CIT: variants seen among roughly 807,000 people sequenced by gnomAD.
The protein encoded by CIT is citron Rho-interacting kinase.
In CIT, 79 loss-of-function variants were observed where a neutral mutation model predicts 272.7. The ratio of observed to expected loss-of-function variants is 0.29; its 90% CI spans 0.24 to 0.35. CIT has a LOEUF of 0.35. Among genes scored for constraint, CIT ranks in the 10% least tolerant of loss-of-function variants. CIT has a pLI of 1.00. For missense variants in CIT, 1,909 were observed against 2,618.3 expected, an observed-to-expected ratio of 0.73 and a Z score of 5.91; for synonymous variants, 948 against 995.6, an observed-to-expected ratio of 0.95 and a Z score of 0.90.
At chr12:119,832,993 G>T (rs915358194) in intron 6 of CIT, 129 bp from the exon 7 acceptor site, 3 of 557,192 alleles carry the variant, frequency 5.4e-6, no homozygotes, top group Non-Finnish European at 9.6e-6. Flanking sequence ...TCTATTGGTG[G>T]ATATAAATTA....
At chr12:119,766,419 T>TTTAAAATAAACA (rs1962462009) in intron 19 of CIT, among the ~76,000 whole-genome samples, 1 of 152,036 alleles carries the variant, frequency 6.6e-6, no homozygotes, top group Non-Finnish European at 1.5e-5. Flanking sequence ...ATTTGTGGGA[T>TTTAAAATAAACA]CTAAAAATCA....
intron 22 of CIT, among the ~76,000 whole-genome samples, chr12:119,753,849 A>C (rs59566417): frequency 0.014 from 2,161 of 152,300 alleles, 41 homozygotes; most frequent in African/African-American, 0.049. Flanking sequence ...GTCTGAGGCA[A>C]AAGATAAGAA....
At chr12:119,719,078 A>G (rs933612328) in intron 30 of CIT, 3 of 516,538 alleles carry the variant, frequency 5.8e-6, no homozygotes, top group Non-Finnish European at 1.1e-5. Flanking sequence ...AGTTTTCACC[A>G]AGAGGATTAA....
At chr12:119,699,675 G>T in intron 44 of CIT, 1 of 395,878 alleles carries the variant, frequency 2.5e-6, no homozygotes. Context: ...AGCACTCATT[G>T]CGTGCCATGT....
intron 3 of CIT, among the ~76,000 whole-genome samples, chr12:119,858,981 T>C (rs1055720531): frequency 1.3e-5 from 2 of 152,198 alleles, no homozygotes; most frequent in African/African-American, 4.8e-5. Context: ...AAGTCTAATC[T>C]TTCAGTCAGA....
At chr12:119,788,349 TAG>T (rs1395073617) in intron 10 of CIT, among the ~76,000 whole-genome samples, 2 of 152,178 alleles carry the variant, frequency 1.3e-5, no homozygotes, top group African/African-American at 4.8e-5. Flanking sequence ...CTGGGTGGGC[TAG>T]AGAACAAGAC....
intron 32 of CIT, among the ~76,000 whole-genome samples, chr12:119,717,050 G>A (rs745752233): frequency 5.3e-5 from 8 of 152,060 alleles, no homozygotes; most frequent in African/African-American, 9.7e-5. Flanking sequence ...ATAAGCTTAC[G>A]TTTTCTTGTT....
chr12:119,863,750 T>C (rs1950434642), intron 3 of CIT, among the ~76,000 whole-genome samples: 1 of 151,474 alleles, frequency 6.6e-6, no homozygotes, highest in Admixed American at 6.6e-5. Flanking sequence ...CAGGATGGTC[T>C]CGATCTCTTG....
intron 23 of CIT, among the ~76,000 whole-genome samples, chr12:119,748,136 G>C (rs1173084583): frequency 2.6e-5 from 4 of 152,072 alleles, no homozygotes; most frequent in Non-Finnish European, 5.9e-5. Context: ...CTGCACTCCA[G>C]CCTGGGTGAC....
intron 3 of CIT, among the ~76,000 whole-genome samples, chr12:119,865,864 C>CAA (rs11366591): frequency 1.2e-3 from 110 of 91,390 alleles, no homozygotes; most frequent in African/African-American, 4.4e-3. Context: ...AGCAAGACTC[C>CAA]AAAAAAAAAA....
rs1957769817 is a variant in CIT at position 119,720,578 on chromosome 12, T to C, written c.3740A>G (p.Tyr1247Cys). The C allele has an allele frequency of 6.3e-7, 1 of 1,592,034 alleles. No homozygotes were observed. Among genetic ancestry groups the C allele is most frequent in the African/African-American group, 1.4e-5 (1 of 73,560 alleles). The change falls in exon 30 of 48, where the codon TAT (tyrosine) becomes TGT (cysteine). Residue 1247 changes from tyrosine to cysteine, a missense_variant. By Grantham distance (194) the Tyr-to-Cys change is radical. Coordinates refer to ENST00000392521, the MANE Select transcript of CIT (RefSeq NM_001206999.2). The stretch of plus-strand genomic sequence containing the variant: ...TTCCATTTTCACCTTTTCATGAGAA[T>C]AGAGAACCTAAAATTCAAGAAAACA... ...EYQLENIQVL[Y>C]SHEKVKMEGT...
intron 2 of CIT, among the ~76,000 whole-genome samples, chr12:119,873,189 C>A (rs1950734650): frequency 6.6e-6 from 1 of 152,008 alleles, no homozygotes; most frequent in Non-Finnish European, 1.5e-5. Flanking sequence ...CAGTTCTATG[C>A]CAGACACATT....
chr12:119,832,724 T>A (rs4767849), intron 7 of CIT, 47 bp downstream of exon 7: 1 of 1,482,228 alleles, frequency 6.7e-7, no homozygotes, highest in Non-Finnish European at 9.4e-7. Context: ...GGACCAAGAA[T>A]ACTTTTTAGT....
At chr12:119,749,083 C>T (rs991345003) in intron 23 of CIT, among the ~76,000 whole-genome samples, 15 of 152,216 alleles carry the variant, frequency 9.9e-5, no homozygotes, top group African/African-American at 3.6e-4. Context: ...GCATTAGAAA[C>T]GGCAACAAAG....
intron 5 of CIT, among the ~76,000 whole-genome samples, chr12:119,849,314 C>A (rs1970043578): frequency 6.6e-6 from 1 of 151,882 alleles, no homozygotes; most frequent in Non-Finnish European, 1.5e-5. Flanking sequence ...GTAATCCCAG[C>A]TACTAGGGAA....
chr12:119,861,075 C>G (rs1174674379), intron 3 of CIT, among the ~76,000 whole-genome samples: 1 of 151,162 alleles, frequency 6.6e-6, no homozygotes, highest in East Asian at 2.0e-4. Flanking sequence ...GAGCCGAGAT[C>G]AAGCCACTGC....
At chr12:119,737,295 A>G (rs1426394674) in intron 24 of CIT, among the ~76,000 whole-genome samples, 3 of 127,652 alleles carry the variant, frequency 2.4e-5, no homozygotes, top group Admixed American at 8.5e-5. Flanking sequence ...TGACAGAGCA[A>G]GATTCCATCT....
intron 9 of CIT, chr12:119,803,606 G>A: frequency 2.5e-6 from 1 of 401,988 alleles, no homozygotes; most frequent in Non-Finnish European, 4.4e-6. Flanking sequence ...CTGCCTTCCC[G>A]CCTGGGGTAA....
chr12:119,764,432 C>G (rs191902051), intron 19 of CIT, among the ~76,000 whole-genome samples: 2 of 151,836 alleles, frequency 1.3e-5, no homozygotes, highest in East Asian at 3.9e-4. Flanking sequence ...AAAAATATAA[C>G]AACCGAAATT....
Sources: gnomAD v4.1 joint callset for allele counts (sites outside exome capture counted in the v4.1 genomes callset) on GRCh38, gnomAD v4.1.1 for gene constraint, MANE v1.5 for transcripts, NCBI Gene and HGNC (gene_info 2026-07-23, HGNC 2026-07-21) for gene names.